Variants in IGFBP1 observed in about 807,000 individuals in gnomAD.
IGFBP1 encodes insulin-like growth factor-binding protein 1.
Under a neutral mutation model 23.1 loss-of-function variants are expected in IGFBP1, and 31 were observed. That is an observed-to-expected ratio of 1.34 (90% CI 1.01 to 1.81). The LOEUF is 1.81. IGFBP1 is among the 40% of genes most tolerant of loss of function. The pLI, the probability that IGFBP1 is intolerant of heterozygous loss-of-function variation, is 0.00. For missense variants in IGFBP1, 333 were observed against 342.2 expected (o/e 0.97, Z 0.21); for synonymous variants, 148 against 145.5 (o/e 1.02, Z -0.13).
chr7:45,888,597 G>A lies in IGFBP1; in HGVS notation c.-56G>A. On this transcript the variant is annotated 5_prime_UTR_variant, in exon 1 of 4. Transcript: ENST00000275525. ...TCACTTGCCCAGAGTTTGGGCCACC[G>A]CCCGCCGCCACCAGCCCAGAGAGCA... is the stretch of plus-strand genomic sequence containing the variant. 1 of 1,481,156 alleles carries A rather than the reference G, an allele frequency of 6.8e-7. No homozygotes were observed. The highest frequency in any genetic ancestry group is 9.1e-7 in the Non-Finnish European group (1 of 1,093,826). 91.8% of individuals were successfully genotyped at this position (1,481,156 alleles called of 1,614,324 possible).
chr7:45,888,776 C>A lies in IGFBP1; in HGVS notation c.124C>A (p.Pro42Thr). 1 of 1,578,458 alleles carries A rather than the reference C, an allele frequency of 6.3e-7. No homozygotes were observed. Among genetic ancestry groups the A allele is most frequent in the East Asian group, 2.3e-5 (1 of 43,554 alleles). The change falls in exon 1 of 4, where the codon CCG becomes ACG. Residue 42 changes from proline to threonine, a missense_variant. Pro to Thr is a conservative substitution (Grantham distance 38, BLOSUM62 -1). Transcript: ENST00000275525. ...PCSAEKLALC[P>T]PVSASCSEVT... Reference sequence around the variant, plus strand: ...CTCCGCCGAGAAGCTCGCGCTCTGCCCGCCGGTGTCCGCCTCGTGCTCGGA... The same window carrying A: ...CTCCGCCGAGAAGCTCGCGCTCTGCACGCCGGTGTCCGCCTCGTGCTCGGA...
At position 45,892,056 on chromosome 7, in the gene IGFBP1, G is replaced by C; in HGVS notation, c.644G>C (p.Arg215Thr). The C allele has an allele frequency of 6.2e-7, 1 of 1,614,166 alleles. No homozygotes were observed. Among genetic ancestry groups the C allele is most frequent in the Non-Finnish European group, 8.5e-7 (1 of 1,180,014 alleles). The change falls in exon 3 of 4, where the codon AGA (arginine) becomes ACA (threonine). Residue 215 changes from arginine to threonine, a missense_variant. Arg to Thr is a moderately conservative substitution (Grantham distance 71). Transcript: ENST00000275525. The part of the protein sequence containing the change: ...NCNKNGFYHS[R>T]QCETSMDGEA... ...AACAAGAATGGATTTTATCACAGCA[G>C]ACAGGTAGGTGGCCTTGCCAGTGTG...
At position 45,893,184 on chromosome 7, in the gene IGFBP1, GTATA is replaced by G; in HGVS notation, c.*102_*105del. On this transcript the variant is annotated 3_prime_UTR_variant, in exon 4 of 4. Coordinates refer to ENST00000275525, the MANE Select transcript of IGFBP1 (RefSeq NM_000596.4). The stretch of plus-strand genomic sequence containing the variant: ...TGCACATTTATATATATATGTATAT[GTATA>G]TATATATAGTAACTACTTTTTATAC... The G allele has an allele frequency of 3.7e-6, 2 of 540,742 alleles. No homozygotes were observed. The highest frequency in any genetic ancestry group is 5.6e-6 in the Non-Finnish European group (2 of 358,406). The allele number at this position is 540,742 out of a possible 1,614,324, so 33.5% of individuals were successfully genotyped here.
chr7:45,889,891 C>A (rs958118473), intron 1 of IGFBP1, among the ~76,000 whole-genome samples: 3 of 152,174 alleles, frequency 2.0e-5, no homozygotes, highest in African/African-American at 4.8e-5. Flanking sequence ...GGAGTCGTCT[C>A]ACTGATCCTC....
rs749453265 is a variant in IGFBP1 at position 45,890,551 on chromosome 7, C to A, written c.353C>A (p.Ala118Glu). 5.0e-5 allele frequency: 81 copies of A among 1,607,070 alleles called. No homozygotes were observed. In the Middle Eastern group the frequency reaches 5.2e-4, roughly 10 times the overall value. Residue 118 changes from alanine (A) to glutamate (E), a missense_variant, in exon 2 of 4, where the codon GCA becomes GAA. Transcript: ENST00000275525. ...GTCTGCAATGTTTCCTTTCCAGAGG[C>A]AGGGAGCCCTGAAAGCCCAGAGAGC... ...SDASAPHAAE[A>E]GSPESPESTE...
chr7:45,888,586 T>G lies in IGFBP1; in HGVS notation c.-67T>G, dbSNP rs1342836646. 1 of 1,394,692 alleles carries G rather than the reference T, an allele frequency of 7.2e-7. No individual in the cohort carries two copies. The highest frequency in any genetic ancestry group is 1.4e-5 in the African/African-American group (1 of 70,076). The allele number at this position is 1,394,692 out of a possible 1,614,324, so 86.4% of individuals were successfully genotyped here. ...CCGCTCCACCATCACTTGCCCAGAG[T>G]TTGGGCCACCGCCCGCCGCCACCAG... On this transcript the variant is annotated 5_prime_UTR_variant, in exon 1 of 4. Coordinates refer to ENST00000275525, the MANE Select transcript of IGFBP1 (RefSeq NM_000596.4).
In IGFBP1 at chr7:45,892,078, T is replaced by G. The variant is rs373948510; in HGVS notation, c.648+18T>G. The G allele has an allele frequency of 6.2e-7, 1 of 1,613,392 alleles. No homozygotes were observed. The highest frequency in any genetic ancestry group is 1.3e-5 in the African/African-American group (1 of 74,940). On this transcript the variant is annotated intron_variant, in intron 3 of 3. Transcript: ENST00000275525. Reference sequence around the variant, plus strand: ...GCAGACAGGTAGGTGGCCTTGCCAGTGTGCGTCGTCAGGGTGAAAGGGACT... The same window carrying G: ...GCAGACAGGTAGGTGGCCTTGCCAGGGTGCGTCGTCAGGGTGAAAGGGACT...
chr7:45,890,723 G>T lies in IGFBP1; in HGVS notation c.519+6G>T, dbSNP rs775113341. On this transcript the variant is annotated splice_donor_region_variant and intron_variant, in intron 2 of 3. Coordinates refer to ENST00000275525, the MANE Select transcript of IGFBP1 (RefSeq NM_000596.4). ...CCAACATCAAAAAATGGAAGGTGAG[G>T]CCCAGCAGGTGGGTGGTGGGAACTC... 8.7e-5 allele frequency: 139 copies of T among 1,595,032 alleles called. No homozygotes were observed. Among genetic ancestry groups the T allele is most frequent in the Non-Finnish European group, 1.2e-4 (136 of 1,170,612 alleles).
At chr7:45,892,897 A>G (rs1787101610) in intron 3 of IGFBP1, 63 bp from the exon 4 acceptor site, 9 of 1,552,714 alleles carry the variant, frequency 5.8e-6, no homozygotes, top group East Asian at 4.5e-5. Context: ...AGGGCCAGCT[A>G]TGGCTCTACT....
intron 1 of IGFBP1, among the ~76,000 whole-genome samples, chr7:45,890,322 G>A (rs1787058142): frequency 6.6e-6 from 1 of 152,206 alleles, no homozygotes; most frequent in African/African-American, 2.4e-5. Flanking sequence ...GCCAGGCCCT[G>A]AAACTTACTA....
intron 3 of IGFBP1, among the ~76,000 whole-genome samples, chr7:45,892,489 C>A (rs1360090636): frequency 6.6e-6 from 1 of 152,184 alleles, no homozygotes; most frequent in Non-Finnish European, 1.5e-5. Context: ...TAAAACACAA[C>A]AACATTTTTG....
rs9658195 is a variant in IGFBP1, at chr7:45,889,199, C to T, written c.349+198C>T. On this transcript the variant is annotated intron_variant, in intron 1 of 3. Transcript: ENST00000275525. ...GAGCCCGCTCATTGCACGGTCTTGG[C>T]AGGACGTGCTCTGGGAGAAGAAGGA... Among the ~76,000 whole-genome samples, 1,004 of 152,354 alleles carry T rather than the reference C, an allele frequency of 6.6e-3. 18 individuals carry two copies. Among genetic ancestry groups the T allele is most frequent in the African/African-American group, 0.023 (945 of 41,588 alleles).
Position 45,888,978 on chromosome 7 carries a change from A to G in IGFBP1, c.326A>G (p.Asp109Gly), listed in dbSNP as rs1001299186. ...RGQGACVQES[D>G]ASAPHAAEAG... ...CAAGGCGCCTGCGTGCAGGAGTCTG[A>G]CGCCTCCGCTCCCCATGCTGCAGGT... is the stretch of plus-strand genomic sequence containing the variant. The change falls in exon 1 of 4, where the codon GAC becomes GGC. Residue 109 changes from aspartate (D) to glycine (G), a missense_variant. Physicochemically the swap from Asp to Gly is moderately conservative, Grantham distance 94 (BLOSUM62 -1). Transcript: ENST00000275525. The G allele has an allele frequency of 1.7e-5, 26 of 1,518,730 alleles. No individual in the cohort carries two copies. The Middle Eastern group carries it at 6.7e-4, about 39-fold the overall frequency. 94.1% of individuals were successfully genotyped at this position (1,518,730 alleles called of 1,614,324 possible). A position where few individuals can be genotyped will look rare whatever the true frequency, so the allele number is the denominator to read the frequency against.
chr7:45,890,486 G>A lies in IGFBP1; in HGVS notation c.350-62G>A, dbSNP rs116613824. 200 of 1,516,074 alleles carry A rather than the reference G, an allele frequency of 1.3e-4. 1 individual carries two copies. The African/African-American group carries it at 2.6e-3, about 20-fold the overall frequency. The allele number at this position is 1,516,074 out of a possible 1,614,324, so 93.9% of individuals were successfully genotyped here. ...TTTGAGGGAAGGAAGTGATCTCCTG[G>A]GGGCCCGAAAGGGGCAGATGCTTTG... On this transcript the variant is annotated intron_variant, in intron 1 of 3. Coordinates refer to ENST00000275525, the MANE Select transcript of IGFBP1 (RefSeq NM_000596.4).
At position 45,892,181 on chromosome 7, in the gene IGFBP1, G is replaced by T. The variant is rs1165606670; in HGVS notation, c.648+121G>T. On this transcript the variant is annotated intron_variant, in intron 3 of 3. Coordinates refer to ENST00000275525, the MANE Select transcript of IGFBP1 (RefSeq NM_000596.4). The stretch of plus-strand genomic sequence containing the variant: ...TCCAAAGTAGACACCAGAAGTGGTT[G>T]TATTGAGCCAGATCCACCCCTCTGG... 5 of 1,083,556 alleles carry T rather than the reference G, an allele frequency of 4.6e-6. No homozygotes were observed. The East Asian group carries it at 1.2e-4, about 27-fold the overall frequency. The allele number at this position is 1,083,556 out of a possible 1,614,324, so 67.1% of individuals were successfully genotyped here. A position where few individuals can be genotyped will look rare whatever the true frequency, so the allele number is the denominator to read the frequency against.
intron 2 of IGFBP1, among the ~76,000 whole-genome samples, chr7:45,891,258 A>T (rs1253874429): frequency 6.6e-6 from 1 of 152,204 alleles, no homozygotes; most frequent in Non-Finnish European, 1.5e-5. Context: ...CATTATCTTA[A>T]TTATGTCTGT....
chr7:45,892,810 T>A, intron 3 of IGFBP1, 150 bp from the exon 4 acceptor site: 2 of 646,832 alleles, frequency 3.1e-6, no homozygotes, highest in Non-Finnish European at 5.4e-6. Flanking sequence ...GGTGTGAGAT[T>A]TGCCTGCATC....
intron 3 of IGFBP1, among the ~76,000 whole-genome samples, chr7:45,892,537 G>T (rs1161671543): frequency 6.6e-6 from 1 of 152,192 alleles, no homozygotes; most frequent in Non-Finnish European, 1.5e-5. Flanking sequence ...AACAGACCAA[G>T]ATTTCATATT....
chr7:45,889,837 C>G (rs1254639973), intron 1 of IGFBP1, among the ~76,000 whole-genome samples: 2 of 152,086 alleles, frequency 1.3e-5, no homozygotes, highest in Admixed American at 6.5e-5. Flanking sequence ...AAGGAGGGAA[C>G]AGGGATTTCC....
Sources: gnomAD v4.1 joint callset for allele counts (sites outside exome capture counted in the v4.1 genomes callset) on GRCh38, gnomAD v4.1.1 for gene constraint, MANE v1.5 for transcripts, NCBI Gene and HGNC (gene_info 2026-07-23, HGNC 2026-07-21) for gene names.